ARL15: variants seen among roughly 807,000 people sequenced by gnomAD.
The protein encoded by ARL15 is ADP-ribosylation factor-like protein 15.
ARL15 carries 19 observed loss-of-function variants against 25.2 expected under a neutral mutation model. That is an observed-to-expected ratio of 0.75 (90% confidence interval 0.53 to 1.10). The LOEUF (loss-of-function observed/expected upper bound fraction) is 1.10. Among genes scored for constraint, ARL15 ranks in the 50% least tolerant of loss-of-function variants. The pLI, the probability that ARL15 is intolerant of heterozygous loss-of-function variation, is 0.00. For missense variants in ARL15, 220 were observed against 246.0 expected (o/e 0.89, Z 0.71); for synonymous variants, 94 against 86.8 (o/e 1.08, Z -0.46).
At chr5:54,088,917 T>C (rs1311253370) in intron 4 of ARL15, among the ~76,000 whole-genome samples, 3 of 152,174 alleles carry the variant, frequency 2.0e-5, no homozygotes, top group African/African-American at 7.2e-5. Flanking sequence ...CAGCAAAATA[T>C]TGGCTGGGAA....
chr5:54,151,957 G>A (rs1754081715), intron 3 of ARL15, among the ~76,000 whole-genome samples: 1 of 152,046 alleles, frequency 6.6e-6, no homozygotes, highest in Non-Finnish European at 1.5e-5. Context: ...CTGTTCTCCT[G>A]AATTAACCCC....
chr5:54,064,940 G>C (rs1751173732), intron 4 of ARL15, among the ~76,000 whole-genome samples: 1 of 151,998 alleles, frequency 6.6e-6, no homozygotes, highest in Admixed American at 6.6e-5. Flanking sequence ...TTGGAATGGG[G>C]TGGGGGTAGT....
rs1748350038 is a variant in ARL15 at position 53,987,955 on chromosome 5, T to C, written c.463-101242A>G. Reference sequence around the variant, plus strand: ...GTCTCTACTAAAAATACAAAAACATTAGCCGGGCATGGTGGCGTGCGCCTG... The same window carrying C: ...GTCTCTACTAAAAATACAAAAACATCAGCCGGGCATGGTGGCGTGCGCCTG... On this transcript the variant is annotated intron_variant, in intron 4 of 4. Transcript: ENST00000504924. Among the ~76,000 whole-genome samples, 3 of 151,866 alleles carry C rather than the reference T, an allele frequency of 2.0e-5. No individual in the cohort carries two copies. The South Asian group carries it at 6.3e-4, about 32-fold the overall frequency.
chr5:54,049,641 C>A (rs1039924255), intron 4 of ARL15, among the ~76,000 whole-genome samples: 10 of 152,084 alleles, frequency 6.6e-5, no homozygotes, highest in African/African-American at 2.4e-4. Flanking sequence ...CACCCTGTCA[C>A]CCAGGCTGGA....
intron 3 of ARL15, among the ~76,000 whole-genome samples, chr5:54,121,821 AAAT>A (rs1417000310): frequency 6.6e-6 from 1 of 152,348 alleles, no homozygotes; most frequent in East Asian, 1.9e-4. Flanking sequence ...AAAGAGAGGA[AAAT>A]AATAATACTT....
chr5:54,204,451 T>C (rs1755809173), intron 1 of ARL15, among the ~76,000 whole-genome samples: 1 of 152,170 alleles, frequency 6.6e-6, no homozygotes, highest in South Asian at 2.1e-4. Context: ...GGTAAGACTT[T>C]TGGCAGATGC....
chr5:54,138,541 A>G (rs925515104), intron 3 of ARL15, among the ~76,000 whole-genome samples: 3 of 152,148 alleles, frequency 2.0e-5, no homozygotes, highest in African/African-American at 7.2e-5. Flanking sequence ...CCAGACATAA[A>G]TCTAAGACCA....
chr5:53,965,967 T>C (rs961912355), intron 4 of ARL15, among the ~76,000 whole-genome samples: 1 of 152,194 alleles, frequency 6.6e-6, no homozygotes, highest in Non-Finnish European at 1.5e-5. Flanking sequence ...AGCTGTGATA[T>C]TGTGAAATAT....
chr5:54,304,741 C>T (rs1469064364), intron 1 of ARL15, among the ~76,000 whole-genome samples: 1 of 152,156 alleles, frequency 6.6e-6, no homozygotes, highest in Non-Finnish European at 1.5e-5. Flanking sequence ...ATCCACTCGA[C>T]ATTTAGACTA....
chr5:54,297,496 TTA>T (rs1317397480), intron 1 of ARL15, among the ~76,000 whole-genome samples: 1 of 152,270 alleles, frequency 6.6e-6, no homozygotes, highest in Non-Finnish European at 1.5e-5. Flanking sequence ...CCCTCTTATG[TTA>T]TGTCTGGAAC....
intron 4 of ARL15, among the ~76,000 whole-genome samples, chr5:53,987,677 T>C (rs561613432): frequency 6.6e-6 from 1 of 152,272 alleles, no homozygotes; most frequent in South Asian, 2.1e-4. Context: ...GAGGCTGGAC[T>C]CGATGGTTCA....
intron 1 of ARL15, among the ~76,000 whole-genome samples, chr5:54,295,308 A>T (rs1433961979): frequency 6.6e-6 from 1 of 152,246 alleles, no homozygotes; most frequent in African/African-American, 2.4e-5. Context: ...ATTAACAAAG[A>T]TCCCCAGTAT....
chr5:54,119,513 A>T (rs1294593527), intron 3 of ARL15, among the ~76,000 whole-genome samples: 1 of 152,136 alleles, frequency 6.6e-6, no homozygotes, highest in Non-Finnish European at 1.5e-5. Flanking sequence ...AAATATACTA[A>T]TACTTGTCCA....
intron 4 of ARL15, among the ~76,000 whole-genome samples, chr5:54,071,209 T>C (rs1751407391): frequency 1.3e-5 from 2 of 152,042 alleles, no homozygotes; most frequent in Admixed American, 6.6e-5. Context: ...GTTTATAAAT[T>C]ACCCAGTCTC....
At chr5:54,125,103 A>G (rs1008560824) in intron 3 of ARL15, among the ~76,000 whole-genome samples, 1 of 138,912 alleles carries the variant, frequency 7.2e-6, no homozygotes, top group African/African-American at 2.8e-5. Context: ...TTTTTTTGAG[A>G]CACAGTCTCA....
intron 4 of ARL15, among the ~76,000 whole-genome samples, chr5:54,008,830 C>G (rs908635460): frequency 6.6e-6 from 1 of 152,088 alleles, no homozygotes; most frequent in African/African-American, 2.4e-5. Context: ...TTAATACTTA[C>G]GTTAATAAGA....
At chr5:54,058,558 A>G (rs969367015) in intron 4 of ARL15, among the ~76,000 whole-genome samples, 1 of 152,228 alleles carries the variant, frequency 6.6e-6, no homozygotes, top group Non-Finnish European at 1.5e-5. Flanking sequence ...CGTGCTATGA[A>G]GAAAGTCTTG....
intron 4 of ARL15, among the ~76,000 whole-genome samples, chr5:53,954,204 G>C (rs764552090): frequency 6.6e-6 from 1 of 152,012 alleles, no homozygotes; most frequent in African/African-American, 2.4e-5. Flanking sequence ...CCTTTAGTCT[G>C]GATAAAACAT....
chr5:54,272,307 C>T (rs1278153073), intron 1 of ARL15, among the ~76,000 whole-genome samples: 9 of 151,970 alleles, frequency 5.9e-5, no homozygotes, highest in Middle Eastern at 3.4e-3. Context: ...TAAACCACAT[C>T]CTTGGCAGTG....
Sources: allele counts gnomAD v4.1 joint callset (sites outside exome capture counted in the v4.1 genomes callset), GRCh38; gene constraint gnomAD v4.1.1; transcripts MANE v1.5; gene names NCBI Gene and HGNC (gene_info 2026-07-23, HGNC 2026-07-21).